Variants in JMJD1C observed in about 807,000 individuals in gnomAD.
JMJD1C encodes the protein jumonji domain containing 1C, also known as jumonji domain-containing protein 1C.
A neutral mutation model predicts 245.3 loss-of-function variants in JMJD1C; 31 were observed. That is an observed-to-expected ratio of 0.13 (90% CI 0.09 to 0.17). The LOEUF (loss-of-function observed/expected upper bound fraction) is 0.17, where lower values mean the gene tolerates loss of function less well. Ranked by LOEUF, JMJD1C falls within the 10% of genes least tolerant of loss-of-function variation. The pLI, the probability that JMJD1C is intolerant of heterozygous loss-of-function variation, is 1.00. For missense variants in JMJD1C, 2,691 were observed against 3,000.2 expected, an observed-to-expected ratio of 0.90 and a Z score of 2.41; for synonymous variants, 1,057 against 1,017.4, an observed-to-expected ratio of 1.04 and a Z score of -0.74.
chr10:63,411,900 G>C (rs1345140787), intron 1 of JMJD1C, among the ~76,000 whole-genome samples: 3 of 147,986 alleles, frequency 2.0e-5, no homozygotes, highest in Non-Finnish European at 4.5e-5. Context: ...ACAGCGCCTG[G>C]CCCAATTTTT....
At chr10:63,268,771 T>C (rs2133816390) in intron 2 of JMJD1C, 1 of 985,390 alleles carries the variant, frequency 1.0e-6, no homozygotes, top group African/African-American at 1.7e-5. Flanking sequence ...GAAGAGTATC[T>C]AGTGTAAATA....
At position 63,176,543 on chromosome 10, in the gene JMJD1C, CAATTTT is replaced by C. The variant is rs796977809; in HGVS notation, c.7225-76_7225-71del. ...TGGTAAATCCTGTTCAGTTAAATTT[CAATTTT>C]ATTTGTAATAACAAATCTTTTCTTC... On this transcript the variant is annotated intron_variant, in intron 23 of 25. Coordinates refer to ENST00000399262, the MANE Select transcript of JMJD1C (RefSeq NM_032776.3). 5.2e-6 allele frequency: 6 copies of C among 1,155,396 alleles called. No homozygotes were observed. The South Asian group carries it at 7.7e-5, about 15-fold the overall frequency. The allele number at this position is 1,155,396 out of a possible 1,614,324, so 71.6% of individuals were successfully genotyped here.
intron 2 of JMJD1C, among the ~76,000 whole-genome samples, chr10:63,336,409 G>A (rs565585664): frequency 2.8e-4 from 43 of 152,202 alleles, no homozygotes; most frequent in South Asian, 1.5e-3. Flanking sequence ...AGTGGGCCAA[G>A]ATTGCACTAC....
In JMJD1C at chr10:63,167,972, T is replaced by C; in HGVS notation, c.*73A>G. The C allele has an allele frequency of 3.4e-6, 3 of 870,176 alleles. No individual in the cohort carries two copies. The highest frequency in any genetic ancestry group is 2.7e-5 in the South Asian group (2 of 73,826). The allele number at this position is 870,176 out of a possible 1,614,324, so 53.9% of individuals were successfully genotyped here. On this transcript the variant is annotated 3_prime_UTR_variant, in exon 26 of 26. Transcript: ENST00000399262. ...ATGGTTTTATGAAGCTTAAAGTCAG[T>C]GTGCATACATATCATCATTCAAGGT...
At chr10:63,264,851 A>G in intron 2 of JMJD1C, 87 bp from the exon 3 acceptor site, 1 of 668,266 alleles carries the variant, frequency 1.5e-6, no homozygotes, top group African/African-American at 1.9e-5. Context: ...CAATGTATCA[A>G]TGTCATTATC....
chr10:63,361,410 C>A (rs1372719709), intron 2 of JMJD1C, among the ~76,000 whole-genome samples: 1 of 151,988 alleles, frequency 6.6e-6, no homozygotes, highest in African/African-American at 2.4e-5. Flanking sequence ...ACAAAAAGAG[C>A]AAGACTCCGT....
chr10:63,379,761 T>C (rs1947061281), intron 2 of JMJD1C, among the ~76,000 whole-genome samples: 1 of 152,222 alleles, frequency 6.6e-6, no homozygotes, highest in South Asian at 2.1e-4. Flanking sequence ...AACTTATTCA[T>C]TAACTACATA....
At chr10:63,286,725 A>T (rs990445112) in intron 2 of JMJD1C, among the ~76,000 whole-genome samples, 1 of 152,218 alleles carries the variant, frequency 6.6e-6, no homozygotes, top group African/African-American at 2.4e-5. Flanking sequence ...ATTTTGCAGA[A>T]GATATTTATT....
In JMJD1C at chr10:63,296,016, T is replaced by A. The variant is rs1396419350; in HGVS notation, c.334-31252A>T. On this transcript the variant is annotated intron_variant, in intron 2 of 25. Coordinates refer to ENST00000399262, the MANE Select transcript of JMJD1C (RefSeq NM_032776.3). Reference sequence around the variant, plus strand: ...GTGTGTGTGTGTGTATATATATATTTTTTTTTTTTTCTTAGATGGAGTTTC... The same window carrying A: ...GTGTGTGTGTGTGTATATATATATTATTTTTTTTTTCTTAGATGGAGTTTC... Among the ~76,000 whole-genome samples, 78 of 125,122 alleles carry A rather than the reference T, an allele frequency of 6.2e-4. 2 individuals are homozygous for A. Among genetic ancestry groups the A allele is most frequent in the East Asian group, 3.2e-3 (15 of 4,670 alleles). The allele number at this position is 125,122 out of a possible 152,430, so 82.1% of individuals were successfully genotyped here.
intron 2 of JMJD1C, among the ~76,000 whole-genome samples, chr10:63,268,328 A>C (rs1485260403): frequency 3.9e-5 from 6 of 152,010 alleles, no homozygotes; most frequent in Admixed American, 2.6e-4. Flanking sequence ...CTGTTAGAAA[A>C]CAAGTTGGGG....
chr10:63,361,418 C>T lies in JMJD1C; in HGVS notation c.333+18900G>A, dbSNP rs368538651. ...AGTCTGGACAAAAAGAGCAAGACTC[C>T]GTCTCAATAAATAAGTAAGTACATA... On this transcript the variant is annotated intron_variant, in intron 2 of 25. Transcript: ENST00000399262. Among the ~76,000 whole-genome samples, 38 of 152,052 alleles carry T rather than the reference C, an allele frequency of 2.5e-4. No individual in the cohort carries two copies. In the East Asian group the frequency reaches 5.6e-3, roughly 22 times the overall value.
intron 3 of JMJD1C, chr10:63,222,425 C>T (rs1333967266): frequency 1.1e-6 from 1 of 921,658 alleles, no homozygotes; most frequent in Non-Finnish European, 1.8e-6. Context: ...TAACCCTGAT[C>T]TTTACTTAAA....
chr10:63,243,512 G>A (rs1324352546), intron 3 of JMJD1C, among the ~76,000 whole-genome samples: 4 of 152,094 alleles, frequency 2.6e-5, no homozygotes, highest in South Asian at 2.1e-4. Flanking sequence ...GGCAAGAAGA[G>A]CAAAATTCTG....
At chr10:63,442,054 TTGAGG>T (rs1951420759) in intron 1 of JMJD1C, among the ~76,000 whole-genome samples, 1 of 152,196 alleles carries the variant, frequency 6.6e-6, no homozygotes, top group Admixed American at 6.5e-5. Context: ...TGATGACTGG[TTGAGG>T]TAACTGGTGA....
rs762447170 is a variant in JMJD1C, at chr10:63,207,370, T to C, written c.4299A>G (p.Val1433=). The stretch of plus-strand genomic sequence containing the variant: ...CTGGCTGACTGACACTTTTTGAAGA[T>C]ACACATTCTGATGATGTAGAGGCCA... ...TILASTSSEC[V]SSKSVSQPVA... is the part of the protein sequence containing the mutation. Residue 1433 remains valine (V), a synonymous_variant, in exon 10 of 26, where the codon GTA becomes GTG. Transcript: ENST00000399262. The C allele has an allele frequency of 4.1e-5, 66 of 1,613,928 alleles. No individual in the cohort carries two copies. Among genetic ancestry groups the C allele is most frequent in the Non-Finnish European group, 5.3e-5 (63 of 1,180,040 alleles).
chr10:63,239,806 A>G lies in JMJD1C; in HGVS notation c.448-19823T>C, dbSNP rs1851258095. 1.3e-5 allele frequency among the ~76,000 whole-genome samples: 2 copies of G among 152,188 alleles called. 1 individual carries two copies. The highest frequency in any genetic ancestry group is 1.3e-4 in the Admixed American group (2 of 15,282). On this transcript the variant is annotated intron_variant, in intron 3 of 25. Coordinates refer to ENST00000399262, the MANE Select transcript of JMJD1C (RefSeq NM_032776.3). ...TGATTGATCTCATTAGCTGGGATACAGAATGATCAGGAAGAAAAACGAAAT... is the reference window on the plus strand; with the variant it reads ...TGATTGATCTCATTAGCTGGGATACGGAATGATCAGGAAGAAAAACGAAAT...
chr10:63,458,521 A>G (rs774848778), intron 1 of JMJD1C, among the ~76,000 whole-genome samples: 1 of 152,018 alleles, frequency 6.6e-6, no homozygotes, highest in African/African-American at 2.4e-5. Context: ...CCACACTGGA[A>G]AAACTATCTG....
chr10:63,451,559 T>G (rs983296821), intron 1 of JMJD1C, among the ~76,000 whole-genome samples: 1 of 152,214 alleles, frequency 6.6e-6, no homozygotes, highest in Non-Finnish European at 1.5e-5. Context: ...TTACACTGCA[T>G]TAGGTATTAT....
chr10:63,321,858 C>A (rs1175621142), intron 2 of JMJD1C, among the ~76,000 whole-genome samples: 1 of 152,158 alleles, frequency 6.6e-6, no homozygotes, highest in African/African-American at 2.4e-5. Context: ...TGACCTGGGA[C>A]AAAGCTTCTC....
Sources: gnomAD v4.1 joint callset for allele counts (sites outside exome capture counted in the v4.1 genomes callset) on GRCh38, gnomAD v4.1.1 for gene constraint, MANE v1.5 for transcripts, NCBI Gene and HGNC (gene_info 2026-07-23, HGNC 2026-07-21) for gene names.